CLIC4: variants seen among roughly 807,000 people sequenced by gnomAD.
CLIC4 encodes the protein chloride intracellular channel protein 4.
A neutral mutation model predicts 24.6 loss-of-function variants in CLIC4; 13 were observed. The observed-to-expected ratio is 0.53, with a 90% CI of 0.34 to 0.84. The LOEUF (loss-of-function observed/expected upper bound fraction) is 0.84, where lower values mean the gene tolerates loss of function less well. Ranked by LOEUF, CLIC4 falls within the 40% of genes least tolerant of loss-of-function variation. The pLI, the probability that CLIC4 is intolerant of heterozygous loss-of-function variation, is 0.01. For missense variants in CLIC4, 227 were observed against 301.7 expected, an observed-to-expected ratio of 0.75 and a Z score of 1.83; for synonymous variants, 104 against 111.3, an observed-to-expected ratio of 0.93 and a Z score of 0.41.
rs1313158512 is a variant in CLIC4, at chr1:24,842,812, A to G, written c.*1875A>G. The stretch of plus-strand genomic sequence containing the variant: ...TGGTTTTAGTGGGTGAAAATGTCCC[A>G]TCTGCACCAGTACACAGGCAGGCAT... On this transcript the variant is annotated 3_prime_UTR_variant, in exon 6 of 6. Transcript: ENST00000374379. 1 of 152,142 alleles carries G rather than the reference A, an allele frequency of 6.6e-6. No homozygotes were observed. The highest frequency in any genetic ancestry group is 2.4e-5 in the African/African-American group (1 of 41,412). The allele number at this position is 152,142 out of a possible 1,614,324, so 9.4% of individuals were successfully genotyped here. A position where few individuals can be genotyped will look rare whatever the true frequency, so the allele number is the denominator to read the frequency against.
chr1:24,768,270 A>AT (rs1280396719), intron 1 of CLIC4, among the ~76,000 whole-genome samples: 1 of 152,078 alleles, frequency 6.6e-6, no homozygotes, highest in Non-Finnish European at 1.5e-5. Context: ...TGAATTATGG[A>AT]TTTTGGCTTC....
intron 3 of CLIC4, among the ~76,000 whole-genome samples, chr1:24,823,748 T>C (rs961929048): frequency 2.5e-4 from 31 of 126,384 alleles, no homozygotes; most frequent in Non-Finnish European, 3.8e-4. Context: ...TACTCTAGCC[T>C]GGACAATAAG....
intron 1 of CLIC4, among the ~76,000 whole-genome samples, chr1:24,785,970 A>G (rs1484937176): frequency 6.6e-6 from 1 of 152,118 alleles, no homozygotes; most frequent in Non-Finnish European, 1.5e-5. Flanking sequence ...AAGTTAGTCT[A>G]AATCAAAGCA....
At chr1:24,790,503 T>C (rs1639322294) in intron 1 of CLIC4, among the ~76,000 whole-genome samples, 1 of 152,232 alleles carries the variant, frequency 6.6e-6, no homozygotes. Context: ...GTGAGTTTCT[T>C]AGTTTTTTGC....
At chr1:24,782,267 C>T (rs1571240832) in intron 1 of CLIC4, among the ~76,000 whole-genome samples, 1 of 152,182 alleles carries the variant, frequency 6.6e-6, no homozygotes, top group Non-Finnish European at 1.5e-5. Context: ...ATGTTTATGT[C>T]ACTTTTGAGA....
chr1:24,769,514 CTT>C (rs1639047009), intron 1 of CLIC4, among the ~76,000 whole-genome samples: 1 of 152,124 alleles, frequency 6.6e-6, no homozygotes, highest in Non-Finnish European at 1.5e-5. Context: ...GTACTAACGT[CTT>C]TGGGATTTCA....
chr1:24,807,389 C>G (rs1487268633), intron 2 of CLIC4, among the ~76,000 whole-genome samples: 1 of 151,884 alleles, frequency 6.6e-6, no homozygotes, highest in Non-Finnish European at 1.5e-5. Flanking sequence ...CAAGTTACTT[C>G]TATAGAAGGG....
chr1:24,783,427 C>T lies in CLIC4; in HGVS notation c.73-14315C>T, dbSNP rs552788019. ...ACAGTAATAAAAATTTGTGGCCGGT[C>T]GTGGTGGCTCACGCCTGTAATCCTA... On this transcript the variant is annotated intron_variant, in intron 1 of 5. Transcript: ENST00000374379. 5.3e-5 allele frequency among the ~76,000 whole-genome samples: 8 copies of T among 152,164 alleles called. No homozygotes were observed. The East Asian group carries it at 1.5e-3, about 29-fold the overall frequency.
chr1:24,798,780 C>G (rs1639435964), intron 2 of CLIC4, among the ~76,000 whole-genome samples: 1 of 149,438 alleles, frequency 6.7e-6, no homozygotes, highest in African/African-American at 2.4e-5. Context: ...CTCAGCCTGC[C>G]GAGTGCCTGC....
At chr1:24,780,560 A>T (rs949557704) in intron 1 of CLIC4, among the ~76,000 whole-genome samples, 1 of 152,176 alleles carries the variant, frequency 6.6e-6, no homozygotes, top group African/African-American at 2.4e-5. Context: ...GAGGTCTTCC[A>T]TGGTCATCTC....
chr1:24,815,452 A>G (rs760756272), intron 3 of CLIC4, among the ~76,000 whole-genome samples: 8 of 152,266 alleles, frequency 5.3e-5, no homozygotes, highest in Non-Finnish European at 1.2e-4. Flanking sequence ...TAGTGAGCCA[A>G]GATCGTGCCA....
At chr1:24,750,320 TGGTA>T (rs34499866) in intron 1 of CLIC4, among the ~76,000 whole-genome samples, 20,978 of 152,032 alleles carry the variant, frequency 0.14, 1,885 homozygotes, top group Admixed American at 0.24. Context: ...CTCAGGAGCC[TGGTA>T]GGTGTATATA....
intron 2 of CLIC4, among the ~76,000 whole-genome samples, chr1:24,809,740 C>A (rs921851059): frequency 2.6e-5 from 4 of 152,152 alleles, no homozygotes; most frequent in African/African-American, 7.2e-5. Flanking sequence ...GGATTACAAG[C>A]ATGAGCCACC....
rs545784135 is a variant in CLIC4, at chr1:24,783,803, T to C, written c.73-13939T>C. Among the ~76,000 whole-genome samples, 4 of 152,376 alleles carry C rather than the reference T, an allele frequency of 2.6e-5. No individual in the cohort carries two copies. In the South Asian group the frequency reaches 6.2e-4, roughly 24 times the overall value. The stretch of plus-strand genomic sequence containing the variant: ...GGACTTTGGATCACCAAAATTGTCC[T>C]TGACATTCTATTTGGCTTAGTTTAA... On this transcript the variant is annotated intron_variant, in intron 1 of 5. Transcript: ENST00000374379.
chr1:24,788,197 C>G (rs961582618), intron 1 of CLIC4, among the ~76,000 whole-genome samples: 9 of 151,830 alleles, frequency 5.9e-5, no homozygotes, highest in African/African-American at 2.2e-4. Context: ...TATATGTTGG[C>G]CAGGCTGATC....
At chr1:24,766,575 C>T (rs1193390984) in intron 1 of CLIC4, among the ~76,000 whole-genome samples, 1 of 139,540 alleles carries the variant, frequency 7.2e-6, no homozygotes. Context: ...ACAATCTCAG[C>T]TCACTGCAAC....
rs1639950644 is a variant in CLIC4 at position 24,842,221 on chromosome 1, G to A, written c.*1284G>A. ...CTGCATGTTTTTGTTTTGTTTTTCG[G>A]GGTTTTTTTTAATTGAAGCCCTAAA... On this transcript the variant is annotated 3_prime_UTR_variant, in exon 6 of 6. Transcript: ENST00000374379. The A allele has an allele frequency of 6.6e-6, 1 of 151,946 alleles. No individual in the cohort carries two copies. The allele number at this position is 151,946 out of a possible 1,614,324, so 9.4% of individuals were successfully genotyped here.
chr1:24,746,502 C>G (rs1001011182), intron 1 of CLIC4, among the ~76,000 whole-genome samples: 2 of 152,038 alleles, frequency 1.3e-5, no homozygotes, highest in Admixed American at 1.3e-4. Flanking sequence ...TTTATTTTAG[C>G]AAAGGAGAGA....
Position 24,842,500 on chromosome 1 carries a change from A to T in CLIC4, c.*1563A>T, listed in dbSNP as rs1203500751. 1 of 152,134 alleles carries T rather than the reference A, an allele frequency of 6.6e-6. No individual in the cohort carries two copies. The highest frequency in any genetic ancestry group is 1.5e-5 in the Non-Finnish European group (1 of 68,006). The allele number at this position is 152,134 out of a possible 1,614,324, so 9.4% of individuals were successfully genotyped here. A position where few individuals can be genotyped will look rare whatever the true frequency, so the allele number is the denominator to read the frequency against. ...AAATGGCAGTGTTTCTCCCACTTTGATATGCTAACATTTAGTAAGCACTGG... is the reference window on the plus strand; with the variant it reads ...AAATGGCAGTGTTTCTCCCACTTTGTTATGCTAACATTTAGTAAGCACTGG... On this transcript the variant is annotated 3_prime_UTR_variant, in exon 6 of 6. Transcript: ENST00000374379.
Sources: gnomAD v4.1 joint callset for allele counts (sites outside exome capture counted in the v4.1 genomes callset) on GRCh38, gnomAD v4.1.1 for gene constraint, MANE v1.5 for transcripts, NCBI Gene and HGNC (gene_info 2026-07-23, HGNC 2026-07-21) for gene names.